Variants in KCNJ12 observed in about 807,000 individuals in gnomAD.
The protein encoded by KCNJ12 is ATP-sensitive inward rectifier potassium channel 12.
In KCNJ12, 2 loss-of-function variants were observed where a neutral mutation model predicts 22.3. The observed-to-expected ratio is 0.09, with a 90% CI of 0.04 to 0.28. The LOEUF is 0.28. KCNJ12 is among the 10% of genes least tolerant of loss of function. The probability of loss-of-function intolerance (pLI) is 1.00; values close to 1 mark genes in which losing one functional copy is unlikely to be tolerated. For missense variants in KCNJ12, 155 were observed against 633.3 expected (o/e 0.24, Z 8.11); for synonymous variants, 117 against 261.4 (o/e 0.45, Z 5.33).
chr17:21,383,737 G>T (rs907026109), intron 1 of KCNJ12, among the ~76,000 whole-genome samples: 1 of 152,100 alleles, frequency 6.6e-6, no homozygotes, highest in African/African-American at 2.4e-5. Context: ...AGGTATTTGC[G>T]TGGTGAGCTT....
intron 1 of KCNJ12, among the ~76,000 whole-genome samples, chr17:21,400,933 G>C (rs1226875658): frequency 5.2e-5 from 8 of 152,422 alleles, no homozygotes; most frequent in South Asian, 4.1e-4. Flanking sequence ...AGGGAGGAGA[G>C]CTGTGCAGCT....
At chr17:21,406,630 A>G (rs868965972) in intron 1 of KCNJ12, among the ~76,000 whole-genome samples, 2 of 152,422 alleles carry the variant, frequency 1.3e-5, no homozygotes, top group Middle Eastern at 3.4e-3. Flanking sequence ...AGAGAGGGGA[A>G]GTGACTCACT....
chr17:21,389,297 TA>T (rs1905150717), intron 1 of KCNJ12, among the ~76,000 whole-genome samples: 1 of 152,148 alleles, frequency 6.6e-6, no homozygotes, highest in Non-Finnish European at 1.5e-5. Context: ...TAGACCAAGC[TA>T]AGAGGACAAG....
chr17:21,418,259 A>T lies in KCNJ12; in HGVS notation c.*1615A>T, dbSNP rs1465518923. ...CTCCAGAAGCCAGTAATCAGAAAGG[A>T]TGTGTCTCCTGCTCCAACTCTGCCC... On this transcript the variant is annotated 3_prime_UTR_variant, in exon 3 of 3. Transcript: ENST00000583088. 6 of 166,656 alleles carry T rather than the reference A, an allele frequency of 3.6e-5. No homozygotes were observed. Among genetic ancestry groups the T allele is most frequent in the African/African-American group, 1.5e-4 (6 of 41,276 alleles). 10.3% of individuals were successfully genotyped at this position (166,656 alleles called of 1,614,324 possible).
intron 1 of KCNJ12, among the ~76,000 whole-genome samples, chr17:21,380,548 C>T (rs1467276293): frequency 2.6e-5 from 4 of 151,860 alleles, no homozygotes; most frequent in Non-Finnish European, 4.4e-5. Flanking sequence ...GGACTGGCTC[C>T]GGAGAGTGCT....
chr17:21,404,315 C>G (rs1905805338), intron 1 of KCNJ12, among the ~76,000 whole-genome samples: 2 of 152,424 alleles, frequency 1.3e-5, no homozygotes, highest in South Asian at 4.1e-4. Context: ...GGGGTTCTCT[C>G]CCCTGCTGCT....
chr17:21,383,717 C>G (rs1326138633), intron 1 of KCNJ12, among the ~76,000 whole-genome samples: 1 of 152,110 alleles, frequency 6.6e-6, no homozygotes, highest in African/African-American at 2.4e-5. Flanking sequence ...TCCTAGAGGT[C>G]CTAGAGGTCA....
rs1906939557 is a variant in KCNJ12 at position 21,417,932 on chromosome 17, G to A, written c.*1288G>A. 1 of 167,400 alleles carries A rather than the reference G, an allele frequency of 6.0e-6. No individual in the cohort carries two copies. Among genetic ancestry groups the A allele is most frequent in the Non-Finnish European group, 1.5e-5 (1 of 68,450 alleles). The allele number at this position is 167,400 out of a possible 1,614,324, so 10.4% of individuals were successfully genotyped here. On this transcript the variant is annotated 3_prime_UTR_variant, in exon 3 of 3. Transcript: ENST00000583088. ...AGAGGAAAGATCTTAGGAAAGGAGA[G>A]GAATCGCCACCCCCTCCTGCCAACT...
At chr17:21,382,780 G>A (rs1904917304) in intron 1 of KCNJ12, among the ~76,000 whole-genome samples, 1 of 152,220 alleles carries the variant, frequency 6.6e-6, no homozygotes, top group Non-Finnish European at 1.5e-5. Context: ...AGGTGTGCCA[G>A]GATGGGAGAT....
chr17:21,387,370 AG>A (rs1463403216), intron 1 of KCNJ12, among the ~76,000 whole-genome samples: 1 of 115,292 alleles, frequency 8.7e-6, no homozygotes, highest in Non-Finnish European at 1.7e-5. Flanking sequence ...TGAACCTGGG[AG>A]GCGGAGCTTG....
In KCNJ12 at chr17:21,384,812, G is replaced by A. The variant is rs184329400; in HGVS notation, c.-179+7899G>A. 8.9e-3 allele frequency among the ~76,000 whole-genome samples: 1,252 copies of A among 140,674 alleles called. 6 individuals are homozygous for A. The highest frequency in any genetic ancestry group is 0.014 in the Non-Finnish European group (934 of 66,006). The allele number at this position is 140,674 out of a possible 152,430, so 92.3% of individuals were successfully genotyped here. A position where few individuals can be genotyped will look rare whatever the true frequency, so the allele number is the denominator to read the frequency against. On this transcript the variant is annotated intron_variant, in intron 1 of 2. Coordinates refer to ENST00000583088, the MANE Select transcript of KCNJ12 (RefSeq NM_021012.5). ...TTTTGAGACGGAGTCTCACTCTGTC[G>A]CCCAGGCTGGAGTGCAATGGCGCGA...
intron 1 of KCNJ12, among the ~76,000 whole-genome samples, chr17:21,379,233 G>A (rs762344095): frequency 2.6e-5 from 4 of 152,210 alleles, no homozygotes; most frequent in East Asian, 1.9e-4. Context: ...CCAGGCCTCC[G>A]GTACCCTGGG....
chr17:21,412,064 C>T (rs1906384741), intron 2 of KCNJ12, among the ~76,000 whole-genome samples: 2 of 152,306 alleles, frequency 1.3e-5, no homozygotes, highest in Admixed American at 1.3e-4. Context: ...CAGAGCAGGG[C>T]TGTGTGAGGC....
At chr17:21,391,426 G>A (rs1372023110) in intron 1 of KCNJ12, among the ~76,000 whole-genome samples, 2 of 152,066 alleles carry the variant, frequency 1.3e-5, no homozygotes, top group Non-Finnish European at 2.9e-5. Context: ...CTGTACCCCC[G>A]GACCACAGAC....
intron 1 of KCNJ12, among the ~76,000 whole-genome samples, chr17:21,377,447 A>G (rs777862309): frequency 6.6e-6 from 1 of 152,086 alleles, no homozygotes; most frequent in Non-Finnish European, 1.5e-5. Context: ...ATGGAGTAAA[A>G]ATATTCTGGA....
intron 1 of KCNJ12, among the ~76,000 whole-genome samples, chr17:21,407,305 TATCCACCC>T (rs1906007332): frequency 1.3e-5 from 2 of 151,812 alleles, no homozygotes; most frequent in African/African-American, 4.8e-5. Flanking sequence ...CCTGTCCATC[TATCCACCC>T]ATCCACTCAT....
intron 1 of KCNJ12, among the ~76,000 whole-genome samples, chr17:21,396,135 G>T (rs1485476497): frequency 2.6e-5 from 4 of 152,206 alleles, no homozygotes; most frequent in African/African-American, 7.2e-5. Flanking sequence ...GGTGCCAGCT[G>T]CCCTGGCCTT....
intron 1 of KCNJ12, among the ~76,000 whole-genome samples, chr17:21,382,924 C>T (rs1420759311): frequency 2.0e-5 from 3 of 152,350 alleles, no homozygotes; most frequent in African/African-American, 7.2e-5. Context: ...CGTGACACCT[C>T]CACTGTGGGA....
intron 1 of KCNJ12, among the ~76,000 whole-genome samples, chr17:21,378,060 C>A (rs1220660547): frequency 2.6e-5 from 4 of 152,262 alleles, no homozygotes; most frequent in Admixed American, 1.3e-4. Flanking sequence ...GGCGCCCACA[C>A]GCCACTGAAA....
Sources: gnomAD v4.1 joint callset for allele counts (sites outside exome capture counted in the v4.1 genomes callset) on GRCh38, gnomAD v4.1.1 for gene constraint, MANE v1.5 for transcripts, NCBI Gene and HGNC (gene_info 2026-07-23, HGNC 2026-07-21) for gene names.